TRPM8: variants seen among roughly 807,000 people sequenced by gnomAD.
TRPM8 encodes TRPM8 cationic channel.
Under a neutral mutation model 133.7 loss-of-function variants are expected in TRPM8, and 110 were observed. That is an observed-to-expected ratio of 0.82 (90% CI 0.70 to 0.96). The LOEUF is 0.96. Ranked by LOEUF, TRPM8 falls within the 40% of genes least tolerant of loss-of-function variation. The pLI, the probability that TRPM8 is intolerant of heterozygous loss-of-function variation, is 0.00. For missense variants in TRPM8, 1,291 were observed against 1,379.5 expected, an observed-to-expected ratio of 0.94 and a Z score of 1.02; for synonymous variants, 535 against 532.3, an observed-to-expected ratio of 1.01 and a Z score of -0.07.
intron 1 of TRPM8, among the ~76,000 whole-genome samples, chr2:233,921,862 G>A (rs1268916462): frequency 6.6e-6 from 1 of 151,502 alleles, no homozygotes; most frequent in East Asian, 1.9e-4. Flanking sequence ...TAGTAGAGAT[G>A]GGATTTCGCC....
At chr2:233,991,463 C>T (rs1692275141) in intron 21 of TRPM8, among the ~76,000 whole-genome samples, 1 of 152,178 alleles carries the variant, frequency 6.6e-6, no homozygotes, top group Non-Finnish European at 1.5e-5. Flanking sequence ...AGCGAAAAGT[C>T]ACTGTCACCA....
chr2:233,955,693 G>A (rs948837221), intron 11 of TRPM8, among the ~76,000 whole-genome samples: 9 of 152,124 alleles, frequency 5.9e-5, no homozygotes, highest in South Asian at 2.1e-4. Flanking sequence ...AGAACCGTCC[G>A]TAGTGAGATA....
intron 21 of TRPM8, among the ~76,000 whole-genome samples, chr2:233,987,904 T>C (rs1692186989): frequency 6.6e-6 from 1 of 151,932 alleles, no homozygotes; most frequent in Non-Finnish European, 1.5e-5. Context: ...CGTGACTTGC[T>C]CCTCCTTGCC....
chr2:233,981,281 C>CT (rs1201546163), intron 18 of TRPM8, among the ~76,000 whole-genome samples: 3 of 152,116 alleles, frequency 2.0e-5, no homozygotes, highest in Non-Finnish European at 4.4e-5. Context: ...GGATATGATT[C>CT]TAGATCACTC....
intron 24 of TRPM8, 134 bp from the exon 25 acceptor site, chr2:234,014,428 G>A: frequency 2.0e-6 from 1 of 489,074 alleles, no homozygotes; most frequent in East Asian, 3.6e-5. Flanking sequence ...CTCTCATTCT[G>A]CCTTATTTTA....
At chr2:233,981,515 C>A (rs951228659) in intron 18 of TRPM8, among the ~76,000 whole-genome samples, 4 of 151,930 alleles carry the variant, frequency 2.6e-5, no homozygotes, top group Non-Finnish European at 5.9e-5. Context: ...GTGAGGATGG[C>A]GGGCTAAAGA....
intron 4 of TRPM8, 129 bp from the exon 5 acceptor site, chr2:233,938,869 C>A (rs1254652199): frequency 5.0e-6 from 5 of 1,005,160 alleles, no homozygotes; most frequent in Non-Finnish European, 7.1e-6. Flanking sequence ...TGCCGCGATC[C>A]CTGCTGCCCC....
chr2:234,017,421 A>AGT lies in TRPM8; in HGVS notation c.*171_*172dup, dbSNP rs1303730540. Reference sequence around the variant, plus strand: ...TAGTGTGCTGAGACCTTGAGAATAAAGTGTGTGATTGGTTTCATACTTGAA... The same window carrying AGT: ...TAGTGTGCTGAGACCTTGAGAATAAAGTGTGTGTGATTGGTTTCATACTTGAA... On this transcript the variant is annotated 3_prime_UTR_variant, in exon 26 of 26. Transcript: ENST00000324695. The AGT allele has an allele frequency of 2.1e-6, 1 of 467,562 alleles. No individual in the cohort carries two copies. The highest frequency in any genetic ancestry group is 2.0e-5 in the African/African-American group (1 of 49,872). The allele number at this position is 467,562 out of a possible 1,614,324, so 29.0% of individuals were successfully genotyped here. A position where few individuals can be genotyped will look rare whatever the true frequency, so the allele number is the denominator to read the frequency against.
intron 18 of TRPM8, 69 bp from the exon 19 acceptor site, chr2:233,981,705 T>G (rs2125282709): frequency 6.6e-7 from 1 of 1,507,950 alleles, no homozygotes; most frequent in South Asian, 1.3e-5. Context: ...AATTGGGTTA[T>G]TTTTAGAAAC....
intron 12 of TRPM8, among the ~76,000 whole-genome samples, chr2:233,962,491 G>A (rs1053190801): frequency 6.6e-6 from 1 of 152,016 alleles, no homozygotes; most frequent in Admixed American, 6.6e-5. Flanking sequence ...CAAAATAAAC[G>A]ACTTGCCTCA....
intron 14 of TRPM8, chr2:233,966,100 T>A (rs1398243351): frequency 2.6e-5 from 4 of 154,340 alleles, no homozygotes; most frequent in African/African-American, 9.6e-5. Context: ...TCCACACTCC[T>A]CGGCCTCCCA....
At chr2:233,945,194 T>C (rs1691011530) in intron 6 of TRPM8, among the ~76,000 whole-genome samples, 1 of 152,242 alleles carries the variant, frequency 6.6e-6, no homozygotes, top group African/African-American at 2.4e-5. Flanking sequence ...ACGCTGATAC[T>C]TTAAAACCTA....
intron 3 of TRPM8, among the ~76,000 whole-genome samples, chr2:233,933,135 C>T (rs1406139488): frequency 6.6e-6 from 1 of 151,970 alleles, no homozygotes; most frequent in Admixed American, 6.6e-5. Context: ...TCTGGTTTTG[C>T]TCTAGTCACT....
chr2:233,991,597 A>C (rs1692279731), intron 21 of TRPM8, among the ~76,000 whole-genome samples: 1 of 152,148 alleles, frequency 6.6e-6, no homozygotes, highest in South Asian at 2.1e-4. Flanking sequence ...TTAGCTGACA[A>C]GTTTCTTGTA....
chr2:233,960,942 A>T lies in TRPM8; in HGVS notation c.1529A>T (p.Gln510Leu), dbSNP rs1406791183. The T allele has an allele frequency of 6.2e-7, 1 of 1,614,214 alleles. No individual in the cohort carries two copies. The highest frequency in any genetic ancestry group is 8.5e-7 in the Non-Finnish European group (1 of 1,180,048). ...AGCACGCTTGTGTACCGGAATCTGCAGATCGCCAAGAATTCCTATAATGAT... is the reference window on the plus strand; with the variant it reads ...AGCACGCTTGTGTACCGGAATCTGCTGATCGCCAAGAATTCCTATAATGAT... ...HFSTLVYRNLQIAKNSYNDAL... is the reference protein window; with the variant it reads ...HFSTLVYRNLLIAKNSYNDAL... The change falls in exon 12 of 26, where the codon CAG becomes CTG. Residue 510 changes from glutamine (Q) to leucine (L), a missense_variant. Physicochemically the swap from Gln to Leu is moderately radical, Grantham distance 113. Coordinates refer to ENST00000324695, the MANE Select transcript of TRPM8 (RefSeq NM_024080.5).
chr2:233,942,427 C>T, intron 5 of TRPM8, 149 bp from the exon 6 acceptor site: 1 of 744,270 alleles, frequency 1.3e-6, no homozygotes, highest in Non-Finnish European at 2.3e-6. Context: ...TGTCTGAGGT[C>T]CCCTCTCCTT....
rs149029668 is a variant in TRPM8 at position 233,937,462 on chromosome 2, G to A, written c.301G>A (p.Asp101Asn). 27 of 1,614,150 alleles carry A rather than the reference G, an allele frequency of 1.7e-5. No individual in the cohort carries two copies. Among genetic ancestry groups the A allele is most frequent in the East Asian group, 2.2e-5 (1 of 44,884 alleles). ...GAAACACACCAAGGAATTTCCTACCGACGCCTTTGGGGATATTCAGTTTGA... is the reference window on the plus strand; with the variant it reads ...GAAACACACCAAGGAATTTCCTACCAACGCCTTTGGGGATATTCAGTTTGA... ...YKKHTKEFPT[D>N]AFGDIQFETL... The change falls in exon 4 of 26, where the codon GAC (aspartate) becomes AAC (asparagine). Residue 101 changes from aspartate to asparagine, a missense_variant. By Grantham distance (23) the Asp-to-Asn change is conservative. This residue lies in a region of TRPM8 where 963 missense variants were observed against 968.9 expected (regional missense o/e 0.99). Transcript: ENST00000324695.
At chr2:233,983,479 A>G (rs545714108) in intron 20 of TRPM8, 8 of 482,448 alleles carry the variant, frequency 1.7e-5, no homozygotes, top group Non-Finnish European at 2.8e-5. Flanking sequence ...TTTTCAATTA[A>G]CAATGTGGCA....
intron 2 of TRPM8, among the ~76,000 whole-genome samples, chr2:233,927,368 G>A (rs1053332974): frequency 2.6e-5 from 4 of 152,268 alleles, no homozygotes; most frequent in Non-Finnish European, 4.4e-5. Flanking sequence ...AAACAAATAC[G>A]CAAAAACCTG....
Sources: gnomAD v4.1 joint callset for allele counts (sites outside exome capture counted in the v4.1 genomes callset) on GRCh38, gnomAD v4.1.1 for gene constraint, gnomAD v4.1.1 regional missense constraint, MANE v1.5 for transcripts, NCBI Gene and HGNC (gene_info 2026-07-23, HGNC 2026-07-21) for gene names.